Variants in ASTN2 observed in about 807,000 individuals in gnomAD.
ASTN2 encodes astrotactin 2.
A neutral mutation model predicts 139.8 loss-of-function variants in ASTN2; 54 were observed. That is an observed-to-expected ratio of 0.39 (90% CI 0.31 to 0.48). The LOEUF (loss-of-function observed/expected upper bound fraction) is 0.48. Ranked by LOEUF, ASTN2 falls within the 20% of genes least tolerant of loss-of-function variation. ASTN2 has a pLI of 0.95. For synonymous variants in ASTN2, 756 were observed against 719.5 expected (o/e 1.05, Z -0.81); for missense variants, 1,565 against 1,725.1 (o/e 0.91, Z 1.64).
At chr9:116,466,662 C>A (rs1848655032) in intron 20 of ASTN2, among the ~76,000 whole-genome samples, 1 of 152,128 alleles carries the variant, frequency 6.6e-6, no homozygotes, top group South Asian at 2.1e-4. Flanking sequence ...TAGATATGGA[C>A]CCGGCTTTGT....
rs1828709770 is a variant in ASTN2, at chr9:116,729,110, T to A, written c.2522-14A>T. On this transcript the variant is annotated splice_polypyrimidine_tract_variant and intron_variant, in intron 14 of 22. Transcript: ENST00000313400. ...ACCTGATATCTCCTGGGAGAGAAAA[T>A]AAGATGGTCACGTGAGCCCAGAATT... 6.4e-7 allele frequency: 1 copy of A among 1,560,712 alleles called. No homozygotes were observed. Among genetic ancestry groups the A allele is most frequent in the South Asian group, 1.2e-5 (1 of 85,120 alleles).
chr9:116,620,818 A>G (rs1314630089), intron 17 of ASTN2, among the ~76,000 whole-genome samples: 2 of 152,226 alleles, frequency 1.3e-5, no homozygotes, highest in African/African-American at 4.8e-5. Context: ...AAATAACTTG[A>G]CTGAGGTTTA....
chr9:116,987,219 A>G (rs1836713446), intron 7 of ASTN2, among the ~76,000 whole-genome samples: 1 of 152,254 alleles, frequency 6.6e-6, no homozygotes, highest in African/African-American at 2.4e-5. Context: ...TGATTGGATT[A>G]TGGAGACAGA....
chr9:116,525,723 T>C (rs1564342619), intron 19 of ASTN2, among the ~76,000 whole-genome samples: 1 of 152,150 alleles, frequency 6.6e-6, no homozygotes, highest in East Asian at 1.9e-4. Flanking sequence ...TCTCACTCCT[T>C]TATCCTGCAG....
At chr9:116,899,755 A>T (rs1237976770) in intron 10 of ASTN2, among the ~76,000 whole-genome samples, 2 of 152,214 alleles carry the variant, frequency 1.3e-5, no homozygotes, top group Non-Finnish European at 2.9e-5. Flanking sequence ...ACAGGATTAA[A>T]AGTTATGGCT....
chr9:117,115,535 CA>C (rs1201398903), intron 4 of ASTN2, among the ~76,000 whole-genome samples: 1 of 152,024 alleles, frequency 6.6e-6, no homozygotes, highest in Non-Finnish European at 1.5e-5. Context: ...AAAAACAAAA[CA>C]AAACAAAATA....
At chr9:116,929,736 A>G (rs1417485934) in intron 10 of ASTN2, among the ~76,000 whole-genome samples, 1 of 152,190 alleles carries the variant, frequency 6.6e-6, no homozygotes, top group African/African-American at 2.4e-5. Flanking sequence ...CGCTCCAGCA[A>G]TTTCACATTA....
chr9:116,979,552 G>C (rs1836450098), intron 7 of ASTN2, among the ~76,000 whole-genome samples: 1 of 152,090 alleles, frequency 6.6e-6, no homozygotes, highest in African/African-American at 2.4e-5. Context: ...GTGTTAAAAT[G>C]CAACAGTCCC....
At position 117,121,585 on chromosome 9, in the gene ASTN2, T is replaced by A. The variant is rs146908696; in HGVS notation, c.1168+19741A>T. Among the ~76,000 whole-genome samples, 369 of 152,290 alleles carry A rather than the reference T, an allele frequency of 2.4e-3. 2 individuals are homozygous for A. Among genetic ancestry groups the A allele is most frequent in the African/African-American group, 8.1e-3 (337 of 41,554 alleles). ...AGTTGGATCACAGAACAGGAAAAGG[T>A]GCTGCAGCAGTTAGGCTGTGATGCA... On this transcript the variant is annotated intron_variant, in intron 4 of 22. Coordinates refer to ENST00000313400, the MANE Select transcript of ASTN2 (RefSeq NM_001365068.1).
At chr9:116,661,855 G>A (rs540019548) in intron 16 of ASTN2, among the ~76,000 whole-genome samples, 25 of 152,040 alleles carry the variant, frequency 1.6e-4, no homozygotes, top group Admixed American at 1.6e-3. Context: ...ACACACCGGG[G>A]CCTGTTGTGG....
chr9:117,084,127 C>A (rs1016618587), intron 5 of ASTN2, among the ~76,000 whole-genome samples: 13 of 151,734 alleles, frequency 8.6e-5, no homozygotes, highest in African/African-American at 1.2e-4. Flanking sequence ...AAGCCCATAA[C>A]AATTTCTGAA....
chr9:116,894,916 A>G (rs1833847250), intron 10 of ASTN2, among the ~76,000 whole-genome samples: 1 of 152,216 alleles, frequency 6.6e-6, no homozygotes, highest in Non-Finnish European at 1.5e-5. Flanking sequence ...ATGTAGAAGC[A>G]ACTGATTTTC....
At chr9:116,541,999 A>G (rs1851896134) in intron 19 of ASTN2, among the ~76,000 whole-genome samples, 1 of 152,216 alleles carries the variant, frequency 6.6e-6, no homozygotes, top group Admixed American at 6.5e-5. Flanking sequence ...GACACAGTCA[A>G]GAAACAGAAC....
intron 16 of ASTN2, among the ~76,000 whole-genome samples, chr9:116,662,662 T>C (rs1327207517): frequency 6.6e-6 from 1 of 152,204 alleles, no homozygotes; most frequent in African/African-American, 2.4e-5. Flanking sequence ...CTATTATTAG[T>C]ATTATTCTAA....
At position 116,913,622 on chromosome 9, in the gene ASTN2, G is replaced by A. The variant is rs1588406792; in HGVS notation, c.1890-49889C>T. On this transcript the variant is annotated intron_variant, in intron 10 of 22. Coordinates refer to ENST00000313400, the MANE Select transcript of ASTN2 (RefSeq NM_001365068.1). ...CTGAAATGCAAGGCAAGCTTCACAG[G>A]TGCCAACTGTATTGTTCAAAGAATA... Among the ~76,000 whole-genome samples the A allele has an allele frequency of 2.0e-5, 3 of 152,270 alleles. No homozygotes were observed. The Middle Eastern group carries it at 0.01, about 518-fold the overall frequency.
intron 20 of ASTN2, among the ~76,000 whole-genome samples, chr9:116,462,680 G>C (rs1039285771): frequency 1.3e-5 from 2 of 152,064 alleles, no homozygotes; most frequent in Non-Finnish European, 2.9e-5. Flanking sequence ...ATATAGGAAC[G>C]ATGGGATAAT....
chr9:116,650,963 T>C (rs2060491656), intron 17 of ASTN2, among the ~76,000 whole-genome samples: 1 of 151,536 alleles, frequency 6.6e-6, no homozygotes, highest in Non-Finnish European at 1.5e-5. Flanking sequence ...TTACCCAGGC[T>C]GGAGTACAAT....
At chr9:117,167,543 T>A (rs187146005) in intron 3 of ASTN2, among the ~76,000 whole-genome samples, 279 of 152,174 alleles carry the variant, frequency 1.8e-3, no homozygotes, top group African/African-American at 6.4e-3. Flanking sequence ...CATGAACTCA[T>A]AAAACATGAA....
intron 10 of ASTN2, among the ~76,000 whole-genome samples, chr9:116,889,110 C>T (rs548027428): frequency 6.6e-6 from 1 of 152,228 alleles, no homozygotes; most frequent in African/African-American, 2.4e-5. Flanking sequence ...TCTTGAACTC[C>T]TGGCCTCAAC....
Sources: allele counts gnomAD v4.1 joint callset (sites outside exome capture counted in the v4.1 genomes callset), GRCh38; gene constraint gnomAD v4.1.1; transcripts MANE v1.5; gene names NCBI Gene and HGNC (gene_info 2026-07-23, HGNC 2026-07-21).